The following VWA8 variants were observed in gnomAD, a reference collection of about 807,000 sequenced individuals.
The protein encoded by VWA8 is von Willebrand factor A domain-containing protein 8.
In VWA8, 221 loss-of-function variants were observed where a neutral mutation model predicts 241.5. That is an observed-to-expected ratio of 0.91 (90% confidence interval 0.82 to 1.02). VWA8 has a LOEUF of 1.02. Among genes scored for constraint, VWA8 ranks in the 50% least tolerant of loss-of-function variants. VWA8 has a pLI of 0.00. For synonymous variants in VWA8, 852 were observed against 827.1 expected (o/e 1.03, Z -0.52); for missense variants, 2,322 against 2,328.7 (o/e 1.00, Z 0.06).
chr13:41,722,366 A>G (rs947142046), intron 24 of VWA8, among the ~76,000 whole-genome samples: 1 of 152,202 alleles, frequency 6.6e-6, no homozygotes, highest in Non-Finnish European at 1.5e-5. Flanking sequence ...AAATGAAGTA[A>G]AAGTAAATAG....
chr13:41,596,692 C>T (rs2044490349), intron 40 of VWA8, among the ~76,000 whole-genome samples: 1 of 151,608 alleles, frequency 6.6e-6, no homozygotes, highest in Admixed American at 6.6e-5. Flanking sequence ...AATTTTATTA[C>T]TTTCACACAA....
intron 5 of VWA8, among the ~76,000 whole-genome samples, chr13:41,889,239 A>T (rs1874700297): frequency 6.6e-6 from 1 of 152,326 alleles, no homozygotes; most frequent in South Asian, 2.1e-4. Flanking sequence ...ATATGCTGTG[A>T]GGTTCTCATG....
intron 9 of VWA8, among the ~76,000 whole-genome samples, chr13:41,881,416 G>A (rs1027240865): frequency 1.2e-4 from 12 of 99,074 alleles, no homozygotes; most frequent in Non-Finnish European, 1.9e-4. Context: ...AACAGGATAA[G>A]AATTTTTCTT....
chr13:41,617,005 T>C (rs1264346053), intron 37 of VWA8, among the ~76,000 whole-genome samples: 1 of 152,036 alleles, frequency 6.6e-6, no homozygotes. Context: ...GGCTCACACC[T>C]GCAATCCCAG....
chr13:41,735,046 T>C (rs1317008273), intron 21 of VWA8, among the ~76,000 whole-genome samples: 2 of 152,028 alleles, frequency 1.3e-5, no homozygotes, highest in African/African-American at 4.8e-5. Context: ...TTTAAACAAA[T>C]CAAGAACAAA....
At chr13:41,638,696 G>A (rs575124762) in intron 37 of VWA8, among the ~76,000 whole-genome samples, 3 of 152,170 alleles carry the variant, frequency 2.0e-5, no homozygotes, top group Non-Finnish European at 4.4e-5. Context: ...TGGAATAAGA[G>A]GTGAGTGAAT....
At chr13:41,850,685 C>T (rs1872495544) in intron 12 of VWA8, among the ~76,000 whole-genome samples, 1 of 151,922 alleles carries the variant, frequency 6.6e-6, no homozygotes, top group Non-Finnish European at 1.5e-5. Context: ...CCCAGAATGT[C>T]TGGCTGGGTT....
intron 21 of VWA8, among the ~76,000 whole-genome samples, chr13:41,752,860 G>C (rs2137894918): frequency 6.6e-6 from 1 of 152,194 alleles, no homozygotes; most frequent in East Asian, 1.9e-4. Context: ...AGGAGTTCAG[G>C]GCTCAGAAAG....
intron 39 of VWA8, among the ~76,000 whole-genome samples, chr13:41,605,637 C>T (rs116510264): frequency 6.6e-6 from 1 of 152,194 alleles, no homozygotes; most frequent in African/African-American, 2.4e-5. Context: ...CTTTGTGGTA[C>T]ACACCATTGC....
intron 37 of VWA8, among the ~76,000 whole-genome samples, chr13:41,653,042 C>G (rs1425218802): frequency 6.6e-6 from 1 of 152,004 alleles, no homozygotes. Flanking sequence ...TTAAATGTAA[C>G]AAGATAGATA....
intron 33 of VWA8, 42 bp downstream of exon 33, chr13:41,690,124 A>G: frequency 6.5e-7 from 1 of 1,541,084 alleles, no homozygotes; most frequent in Non-Finnish European, 8.9e-7. Flanking sequence ...ATGTACAAGC[A>G]TGCACTCACA....
chr13:41,786,892 C>G (rs1869214776), intron 18 of VWA8, among the ~76,000 whole-genome samples: 1 of 151,694 alleles, frequency 6.6e-6, no homozygotes, highest in Non-Finnish European at 1.5e-5. Flanking sequence ...CTAAATCTCC[C>G]CGAAACTGAA....
intron 12 of VWA8, among the ~76,000 whole-genome samples, chr13:41,838,074 T>G (rs547406400): frequency 1.3e-5 from 2 of 152,306 alleles, no homozygotes; most frequent in South Asian, 4.1e-4. Flanking sequence ...TGAGAAACTC[T>G]ACTGAAAATA....
intron 2 of VWA8, among the ~76,000 whole-genome samples, chr13:41,921,868 T>C (rs1876554959): frequency 6.6e-6 from 1 of 152,130 alleles, no homozygotes; most frequent in South Asian, 2.1e-4. Flanking sequence ...CCCAAGGTAA[T>C]TTATAGACTC....
At chr13:41,941,724 T>C (rs531480045) in intron 2 of VWA8, among the ~76,000 whole-genome samples, 119 of 152,332 alleles carry the variant, frequency 7.8e-4, no homozygotes, top group African/African-American at 2.8e-3. Flanking sequence ...CCACATTTAT[T>C]GAGCACTAAG....
chr13:41,689,533 C>T, intron 33 of VWA8, 25 bp from the exon 34 acceptor site: 1 of 1,552,306 alleles, frequency 6.4e-7, no homozygotes, highest in South Asian at 1.2e-5. Context: ...CATTAGACAC[C>T]ATATGCTCCT....
chr13:41,602,945 T>C (rs888602366), intron 40 of VWA8, among the ~76,000 whole-genome samples: 4 of 152,176 alleles, frequency 2.6e-5, no homozygotes, highest in African/African-American at 9.6e-5. Context: ...TTTAGCTACT[T>C]ATTCAAGGAT....
intron 4 of VWA8, among the ~76,000 whole-genome samples, chr13:41,897,659 G>GC (rs1234059393): frequency 1.3e-5 from 2 of 152,108 alleles, no homozygotes; most frequent in Non-Finnish European, 2.9e-5. Flanking sequence ...TTAAGGCTGC[G>GC]CGTCTGGAGT....
chr13:41,702,916 G>A (rs1362794808), intron 27 of VWA8, among the ~76,000 whole-genome samples: 2 of 152,088 alleles, frequency 1.3e-5, no homozygotes, highest in Admixed American at 6.6e-5. Context: ...AATACCTAGA[G>A]GGACTTCTAT....
Sources: gnomAD v4.1 joint callset for allele counts (sites outside exome capture counted in the v4.1 genomes callset) on GRCh38, gnomAD v4.1.1 for gene constraint, MANE v1.5 for transcripts, NCBI Gene and HGNC (gene_info 2026-07-23, HGNC 2026-07-21) for gene names.